The following KIAA1210 variants were observed in gnomAD, a reference collection of about 807,000 sequenced individuals.
The protein encoded by KIAA1210 is KIAA1210.
KIAA1210 carries 48 observed loss-of-function variants against 78.9 expected under a neutral mutation model. The ratio of observed to expected loss-of-function variants is 0.61; its 90% CI spans 0.48 to 0.77. The LOEUF (loss-of-function observed/expected upper bound fraction) is 0.77. Among genes scored for constraint, KIAA1210 ranks in the 30% least tolerant of loss-of-function variants. The pLI, the probability that KIAA1210 is intolerant of heterozygous loss-of-function variation, is 0.00. For synonymous variants in KIAA1210, 406 were observed against 404.5 expected, an observed-to-expected ratio of 1.00 and a Z score of -0.04; for missense variants, 1,108 against 1,100.0, an observed-to-expected ratio of 1.01 and a Z score of -0.10.
At chrX:119,126,272 A>G (rs1928643820) in intron 1 of KIAA1210, among the ~76,000 whole-genome samples, 1 of 111,036 alleles carries the variant, frequency 9.0e-6, no homozygotes, top group African/African-American at 3.3e-5. Context: ...TTGAGAGTTC[A>G]CATAGCCAGA....
chrX:119,138,211 G>GTTTTTTTTT (rs759946882), intron 2 of KIAA1210, among the ~76,000 whole-genome samples: 14 of 47,845 alleles, frequency 2.9e-4, no homozygotes, highest in East Asian at 7.7e-4. Context: ...TGGTTTGGTT[G>GTTTTTTTTT]TTTTTTTTTT....
At chrX:119,115,507 T>C (rs886452807) in intron 3 of KIAA1210, among the ~76,000 whole-genome samples, 2 of 111,882 alleles carry the variant, frequency 1.8e-5, no homozygotes, top group African/African-American at 6.5e-5. Context: ...TTCCTTACAC[T>C]GGATGCACTC....
chrX:119,086,644 G>A lies in KIAA1210; in HGVS notation c.4058C>T (p.Ala1353Val), dbSNP rs1927144135. ...GTAAGATATTTTGGTGAGGTTCCCTGCAGCATCCAGGAGCCCCTGGGAAGT... is the reference window on the plus strand; with the variant it reads ...GTAAGATATTTTGGTGAGGTTCCCTACAGCATCCAGGAGCCCCTGGGAAGT... ...RSTSQGLLDA[A>V]GNLTKISYVA... Residue 1353 changes from alanine to valine, a missense_variant, in exon 9 of 12, where the codon GCA (alanine) becomes GTA (valine). By Grantham distance (64) the Ala-to-Val change is moderately conservative (BLOSUM62 0). This residue lies in a region of KIAA1210 where 245 missense variants were observed against 278.8 expected (regional missense o/e 0.88). Transcript: ENST00000691062. 8.3e-7 allele frequency: 1 copy of A among 1,209,431 alleles called. No individual in the cohort carries two copies. Among genetic ancestry groups the A allele is most frequent in the Non-Finnish European group, 1.1e-6 (1 of 894,961 alleles).
At position 119,087,383 on chromosome X, in the gene KIAA1210, C is replaced by T. The variant is rs778377236; in HGVS notation, c.3319G>A (p.Gly1107Arg). ...KVFSYSERAP[G>R]KCSSFKEQLS... ...TGCTCTTTAAAACTGCTGCACTTCCCAGGAGCTCTCTCTGAATAAGAGAAA... is the reference window on the plus strand; with the variant it reads ...TGCTCTTTAAAACTGCTGCACTTCCTAGGAGCTCTCTCTGAATAAGAGAAA... The change falls in exon 9 of 12, where the codon GGG (glycine) becomes AGG (arginine). Residue 1107 changes from glycine to arginine, a missense_variant. Coordinates refer to ENST00000691062, the MANE Select transcript of KIAA1210 (RefSeq NM_001394962.1). 5 of 1,209,773 alleles carry T rather than the reference C, an allele frequency of 4.1e-6. No individual in the cohort carries two copies. The Admixed American group carries it at 1.1e-4, about 26-fold the overall frequency.
chrX:119,103,709 A>C (rs902534724), intron 6 of KIAA1210, among the ~76,000 whole-genome samples: 37 of 112,454 alleles, frequency 3.3e-4, no homozygotes, highest in African/African-American at 1.1e-3. Context: ...GTGTCTATCA[A>C]TGGATGAATG....
rs764834169 is a variant in KIAA1210, at chrX:119,104,468, T to G, written c.648+524A>C. On this transcript the variant is annotated intron_variant, in intron 6 of 11. Transcript: ENST00000691062. ...AACTCTACCTCACTCTCAGAGCCTT[T>G]TCAAGTTCACCAACAACCAATTCAA... 5.3e-5 allele frequency among the ~76,000 whole-genome samples: 6 copies of G among 112,507 alleles called. No homozygotes were observed. In the East Asian group the frequency reaches 8.4e-4, roughly 16 times the overall value.
At chrX:119,096,457 T>C in intron 7 of KIAA1210, 37 bp downstream of exon 7, 1 of 1,125,852 alleles carries the variant, frequency 8.9e-7, no homozygotes, top group African/African-American at 1.8e-5. Context: ...TCTTTTCTTA[T>C]ACAGGAGTTT....
chrX:119,094,198 T>C (rs1298731132), intron 7 of KIAA1210: 1 of 482,593 alleles, frequency 2.1e-6, no homozygotes, highest in Non-Finnish European at 3.6e-6. Context: ...CAAATCCTTT[T>C]TGGCTTCTTT....
intron 11 of KIAA1210, among the ~76,000 whole-genome samples, chrX:119,081,756 T>C (rs1417426669): frequency 8.9e-6 from 1 of 112,155 alleles, no homozygotes; most frequent in Non-Finnish European, 1.9e-5. Context: ...TGGGAAGGCC[T>C]GGGAGGTAAT....
chrX:119,125,705 C>T, intron 1 of KIAA1210, among the ~76,000 whole-genome samples: 1 of 25,225 alleles, frequency 4.0e-5, no homozygotes, highest in African/African-American at 1.0e-4. Context: ...CCACCATGCC[C>T]AGCTAATACA....
At chrX:119,114,226 G>A (rs1928180393) in intron 3 of KIAA1210, among the ~76,000 whole-genome samples, 1 of 111,397 alleles carries the variant, frequency 9.0e-6, no homozygotes, top group Admixed American at 9.6e-5. Flanking sequence ...ACACTATAAG[G>A]ACAATCTCAT....
exon 1 of KIAA1210, chrX:119,150,319 T>A (rs1192036545): frequency 1.7e-6 from 2 of 1,205,264 alleles, no homozygotes; most frequent in African/African-American, 3.5e-5. Context: ...GGAATCGCGG[T>A]GTGCAGGGCA....
At chrX:119,105,264 G>T in intron 5 of KIAA1210, 117 bp from the exon 6 acceptor site, 1 of 749,984 alleles carries the variant, frequency 1.3e-6, no homozygotes, top group Non-Finnish European at 1.9e-6. Context: ...GAAGGACTAA[G>T]AATCCAAAGT....
In KIAA1210 at chrX:119,087,270, C is replaced by T; in HGVS notation, c.3432G>A (p.Glu1144=). 1 of 1,211,343 alleles carries T rather than the reference C, an allele frequency of 8.3e-7. No homozygotes were observed. The highest frequency in any genetic ancestry group is 1.1e-6 in the Non-Finnish European group (1 of 895,270). The part of the protein sequence containing the change: ...VSPVSASSPK[E]WRNSKKQLPP... ...GCAGCTGCTTTTTAGAATTCCTCCACTCTTTAGGAGAACTGGCAGAAACAG... is the reference window on the plus strand; with the variant it reads ...GCAGCTGCTTTTTAGAATTCCTCCATTCTTTAGGAGAACTGGCAGAAACAG... The change falls in exon 9 of 12, where the codon GAG becomes GAA. Residue 1144 remains glutamate, a synonymous_variant. Transcript: ENST00000691062.
At chrX:119,084,267 T>A (rs1927062439) in intron 10 of KIAA1210, among the ~76,000 whole-genome samples, 1 of 110,763 alleles carries the variant, frequency 9.0e-6, no homozygotes, top group Non-Finnish European at 1.9e-5. Context: ...CATCATCCCA[T>A]CATCTCTTAT....
rs1272727836 is a variant in KIAA1210 at position 119,123,618 on chromosome X, A to G, written c.25T>C (p.Ser9Pro). 35 of 1,203,818 alleles carry G rather than the reference A, an allele frequency of 2.9e-5. No individual in the cohort carries two copies. Among genetic ancestry groups the G allele is most frequent in the Non-Finnish European group, 3.6e-5 (32 of 890,676 alleles). ...GCCTCCAGAACATCCAGACTGTCAG[A>G]AATTTCACTTAGTGATTCAGCCATT... MAESLSEISDSLDVLEAGD... is the reference protein window; with the variant it reads MAESLSEIPDSLDVLEAGD... Residue 9 changes from serine to proline, a missense_variant, in exon 2 of 12, where the codon TCT becomes CCT. By Grantham distance (74) the Ser-to-Pro change is moderately conservative. Transcript: ENST00000691062.
intron 2 of KIAA1210, among the ~76,000 whole-genome samples, chrX:119,117,569 C>CTTT (rs754223193): frequency 7.6e-5 from 7 of 91,794 alleles, no homozygotes; most frequent in Non-Finnish European, 1.1e-4. Context: ...TTGGGCTTTA[C>CTTT]TTTTTTTTTT....
chrX:119,125,419 T>C (rs1928597518), intron 1 of KIAA1210, among the ~76,000 whole-genome samples: 1 of 109,633 alleles, frequency 9.1e-6, no homozygotes, highest in African/African-American at 3.3e-5. Flanking sequence ...TATCACAGCA[T>C]TGTTTCCAAT....
chrX:119,088,890 G>A lies in KIAA1210; in HGVS notation c.1812C>T (p.Ser604=), dbSNP rs1035126712. The A allele has an allele frequency of 5.8e-6, 7 of 1,209,405 alleles. No individual in the cohort carries two copies. In the African/African-American group the frequency reaches 8.7e-5, roughly 15 times the overall value. ...CCTCAGGAATATTCTCTGAATCTGA[G>A]GAGACTTCTTCAGCATCAGGCTTCC... ...SSRKPDAEEV[S]SDSENIPEEG... is the part of the protein sequence containing the mutation. Residue 604 remains serine (S), a synonymous_variant, in exon 9 of 12, where the codon TCC becomes TCT. Coordinates refer to ENST00000691062, the MANE Select transcript of KIAA1210 (RefSeq NM_001394962.1).
Sources: allele counts gnomAD v4.1 joint callset (sites outside exome capture counted in the v4.1 genomes callset), GRCh38; gene constraint gnomAD v4.1.1; regional missense constraint gnomAD v4.1.1; transcripts MANE v1.5; gene names NCBI Gene and HGNC (gene_info 2026-07-23, HGNC 2026-07-21).